Variants in GRIP2 observed in about 807,000 individuals in gnomAD.
The protein encoded by GRIP2 is glutamate receptor interacting protein 2, also known as glutamate receptor-interacting protein 2.
A neutral mutation model predicts 108.3 loss-of-function variants in GRIP2; 58 were observed. The ratio of observed to expected loss-of-function variants is 0.54; its 90% confidence interval spans 0.43 to 0.67. The LOEUF (loss-of-function observed/expected upper bound fraction) is 0.67, where lower values mean the gene tolerates loss of function less well. Among genes scored for constraint, GRIP2 ranks in the 30% least tolerant of loss-of-function variants. The pLI, the probability that GRIP2 is intolerant of heterozygous loss-of-function variation, is 0.00. For missense variants in GRIP2, 1,278 were observed against 1,430.6 expected (o/e 0.89, Z 1.72); for synonymous variants, 586 against 598.2 (o/e 0.98, Z 0.30).
chr3:14,544,524 G>A (rs570125755), upstream of GRIP2, among the ~76,000 whole-genome samples: 51 of 152,300 alleles, frequency 3.3e-4, no homozygotes, highest in South Asian at 2.1e-3. Context: ...GGCTGAGTCC[G>A]TCATAACACA....
chr3:14,546,221 C>G (rs184288137), upstream of GRIP2, among the ~76,000 whole-genome samples: 86 of 152,202 alleles, frequency 5.7e-4, no homozygotes, highest in Middle Eastern at 0.02. Context: ...CCAGGTAGGC[C>G]GACCAAGCTT....
At chr3:14,520,338 G>A (rs1406530248) in intron 8 of GRIP2, 52 bp downstream of exon 8, 19 of 1,610,212 alleles carry the variant, frequency 1.2e-5, no homozygotes, top group Middle Eastern at 1.6e-4. Context: ...GCTCTGGGCC[G>A]CCTCTCCCCT....
At chr3:14,566,123 A>G in the GRIP2 span, among the ~76,000 whole-genome samples, 1 of 152,224 alleles carries the variant, frequency 6.6e-6, no homozygotes, top group African/African-American at 2.4e-5. Context: ...TCTCCAGGTC[A>G]GCAGGGTCAA....
the GRIP2 span, among the ~76,000 whole-genome samples, chr3:14,569,987 C>A: frequency 6.6e-6 from 1 of 152,128 alleles, no homozygotes; most frequent in African/African-American, 2.4e-5. Context: ...GAAACTGAGG[C>A]TCGGAGAGGT....
the GRIP2 span, among the ~76,000 whole-genome samples, chr3:14,600,023 A>G: frequency 6.6e-6 from 1 of 152,158 alleles, no homozygotes; most frequent in Non-Finnish European, 1.5e-5. Flanking sequence ...CACATGTGCT[A>G]TGTAAGTCTG....
chr3:14,504,622 T>C (rs532512036), intron 20 of GRIP2, among the ~76,000 whole-genome samples: 23 of 152,146 alleles, frequency 1.5e-4, no homozygotes, highest in Non-Finnish European at 2.4e-4. Flanking sequence ...CACTTGCTCT[T>C]TTACAGGGGC....
chr3:14,590,841 C>T, the GRIP2 span, among the ~76,000 whole-genome samples: 4 of 152,188 alleles, frequency 2.6e-5, no homozygotes, highest in Non-Finnish European at 5.9e-5. Context: ...AGCAAAAATG[C>T]AAACCCAGGG....
chr3:14,521,964 A>C lies in GRIP2; in HGVS notation c.567-177T>G. 1 of 573,858 alleles carries C rather than the reference A, an allele frequency of 1.7e-6. No homozygotes were observed. Among genetic ancestry groups the C allele is most frequent in the Non-Finnish European group, 3.0e-6 (1 of 335,676 alleles). 35.5% of individuals were successfully genotyped at this position (573,858 alleles called of 1,614,324 possible). The stretch of plus-strand genomic sequence containing the variant: ...AGTGAGTGAAGGAATGAGCCACTCC[A>C]GGAGTGGGGAGCTGCATAAAGCAAG... On this transcript the variant is annotated intron_variant, in intron 6 of 23. Coordinates refer to ENST00000621039, the MANE Select transcript of GRIP2 (RefSeq NM_001080423.4). This position sits in a 1 kb window ranked among gnomAD's most constrained non-coding sequence, Gnocchi z 5.1.
At chr3:14,527,431 G>A (rs976650535) in intron 1 of GRIP2, among the ~76,000 whole-genome samples, 8 of 118,928 alleles carry the variant, frequency 6.7e-5, no homozygotes, top group African/African-American at 2.3e-4. Flanking sequence ...GAGGGGAGGG[G>A]AGGGGAGGGA....
rs1370367527 is a variant in GRIP2, at chr3:14,521,703, G to T, written c.651C>A (p.Ala217=). Residue 217 remains alanine, a synonymous_variant, in exon 7 of 24, where the codon GCC becomes GCA. Transcript: ENST00000621039. This position sits in a 1 kb window ranked among gnomAD's most constrained non-coding sequence, Gnocchi z 5.1. Reference sequence around the variant, plus strand: ...CCTCGTGGCTGCACTGCCGCAGGGTGGCCAGGGCGGTGGCATGGCTGGCCC... The same window carrying T: ...CCTCGTGGCTGCACTGCCGCAGGGTTGCCAGGGCGGTGGCATGGCTGGCCC... ...LHGASHATAL[A]TLRQCSHEAL... 1 of 1,611,650 alleles carries T rather than the reference G, an allele frequency of 6.2e-7. No individual in the cohort carries two copies. Among genetic ancestry groups the T allele is most frequent in the Admixed American group, 1.7e-5 (1 of 59,792 alleles).
chr3:14,520,819 G>C (rs997533958), intron 7 of GRIP2: 3 of 461,156 alleles, frequency 6.5e-6, no homozygotes. Context: ...AGTTTATGAA[G>C]AGCCTGTGGT....
rs1464673152 is a variant in GRIP2 at position 14,512,029 on chromosome 3, T to C, written c.1721-550A>G. 6.6e-6 allele frequency among the ~76,000 whole-genome samples: 1 copy of C among 152,120 alleles called. No homozygotes were observed. The highest frequency in any genetic ancestry group is 1.5e-5 in the Non-Finnish European group (1 of 68,018). On this transcript the variant is annotated intron_variant, in intron 14 of 23. Coordinates refer to ENST00000621039, the MANE Select transcript of GRIP2 (RefSeq NM_001080423.4). This position sits in a 1 kb window ranked among gnomAD's most constrained non-coding sequence, Gnocchi z 5.1. ...TGGAGAAACCTGAGAAACGGGCTTG[T>C]GTCGAGGGCGGTAAATGTTCAGTCA...
Position 14,522,978 on chromosome 3 carries a change from G to A in GRIP2, c.566+22C>T. On this transcript the variant is annotated intron_variant, in intron 6 of 23. Transcript: ENST00000621039. The surrounding 1 kb of genome is among the most constrained non-coding windows in gnomAD (Gnocchi z 4.3). ...TTGGGGCAGGTCAGTGCAGTGTGTG[G>A]ATTTCTTCTGCCTCGGCTCACCTGT... 1 of 1,609,684 alleles carries A rather than the reference G, an allele frequency of 6.2e-7. No individual in the cohort carries two copies. The highest frequency in any genetic ancestry group is 8.5e-7 in the Non-Finnish European group (1 of 1,176,154).
the GRIP2 span, among the ~76,000 whole-genome samples, chr3:14,572,133 G>A: frequency 2.6e-5 from 4 of 152,152 alleles, no homozygotes; most frequent in Admixed American, 2.6e-4. Flanking sequence ...TTCGGTACCG[G>A]AGGCATGTTT....
the GRIP2 span, among the ~76,000 whole-genome samples, chr3:14,599,685 CTGTGTGTG>C: frequency 2.4e-5 from 3 of 127,566 alleles, no homozygotes; most frequent in Admixed American, 7.9e-5. Context: ...CTCTCTCTCT[CTGTGTGTG>C]TGTGTGTGTG....
At chr3:14,593,527 G>A in the GRIP2 span, among the ~76,000 whole-genome samples, 1 of 152,208 alleles carries the variant, frequency 6.6e-6, no homozygotes, top group Non-Finnish European at 1.5e-5. Context: ...CACCATGTGG[G>A]TCCAGAGCTC....
chr3:14,512,802 G>T lies in GRIP2; in HGVS notation c.1695C>A (p.Ser565Arg). The T allele has an allele frequency of 1.9e-6, 3 of 1,613,638 alleles. No homozygotes were observed. In the East Asian group the frequency reaches 6.7e-5, roughly 36 times the overall value. The change falls in exon 14 of 24, where the codon AGC becomes AGA. Residue 565 changes from serine (S) to arginine (R), a missense_variant. By Grantham distance (110) the Ser-to-Arg change is moderately radical (BLOSUM62 -1). Coordinates refer to ENST00000621039, the MANE Select transcript of GRIP2 (RefSeq NM_001080423.4). This position sits in a 1 kb window ranked among gnomAD's most constrained non-coding sequence, Gnocchi z 5.1. ...TFHVKLPKKR[S>R]VELGITISSA... Reference sequence around the variant, plus strand: ...AGCTGATGGTGATGCCCAGCTCCACGCTGCGCTTCTTGGGCAGCTTCACGT... The same window carrying T: ...AGCTGATGGTGATGCCCAGCTCCACTCTGCGCTTCTTGGGCAGCTTCACGT...
intron 1 of GRIP2, among the ~76,000 whole-genome samples, chr3:14,550,266 G>C (rs1695124494): frequency 6.6e-6 from 1 of 152,148 alleles, no homozygotes; most frequent in Non-Finnish European, 1.5e-5. Flanking sequence ...CATCCTCCAG[G>C]AATGCCCTCT....
intron 1 of GRIP2, among the ~76,000 whole-genome samples, chr3:14,549,869 T>C (rs1339529993): frequency 1.3e-5 from 2 of 152,174 alleles, no homozygotes. Flanking sequence ...AAGGGCTTGG[T>C]GGACGTGGTG....
Sources: gnomAD v4.1 joint callset for allele counts (sites outside exome capture counted in the v4.1 genomes callset) on GRCh38, gnomAD v4.1.1 for gene constraint, Gnocchi (gnomAD v3.1) non-coding constraint, MANE v1.5 for transcripts, NCBI Gene and HGNC (gene_info 2026-07-23, HGNC 2026-07-21) for gene names.